Variants in MIDN observed in about 807,000 individuals in gnomAD.
MIDN encodes the protein midnolin.
In MIDN, 26 loss-of-function variants were observed where a neutral mutation model predicts 46.1. The ratio of observed to expected loss-of-function variants is 0.56; its 90% CI spans 0.41 to 0.78. MIDN has a LOEUF of 0.78. Among genes scored for constraint, MIDN ranks in the 30% least tolerant of loss-of-function variants. The pLI is 0.00. For synonymous variants in MIDN, 432 were observed against 343.3 expected, an observed-to-expected ratio of 1.26 and a Z score of -2.86; for missense variants, 850 against 771.8, an observed-to-expected ratio of 1.10 and a Z score of -1.20.
chr19:1,251,502 C>T (rs545731125), intron 2 of MIDN, 60 bp from the exon 3 acceptor site: 3 of 1,522,878 alleles, frequency 2.0e-6, no homozygotes, highest in Admixed American at 3.8e-5. Context: ...CCCGCGGCCT[C>T]TGCTTCCGCG....
In MIDN at chr19:1,250,389, G is replaced by A. The variant is rs777300728; in HGVS notation, c.93G>A (p.Met31Ile). 4.0e-6 allele frequency: 5 copies of A among 1,261,796 alleles called. No individual in the cohort carries two copies. Among genetic ancestry groups the A allele is most frequent in the Non-Finnish European group, 5.1e-6 (5 of 985,074 alleles). The allele number at this position is 1,261,796 out of a possible 1,614,324, so 78.2% of individuals were successfully genotyped here. The change falls in exon 2 of 9, where the codon ATG becomes ATA. Residue 31 changes from methionine to isoleucine, a missense_variant. Transcript: ENST00000682408. ...ELGPAAEAAP[M>I]SLAIHSTTGT... Reference sequence around the variant, plus strand: ...GCCCGGCGGCCGAGGCGGCGCCCATGAGCCTCGCCATCCACAGCACCACGG... The same window carrying A: ...GCCCGGCGGCCGAGGCGGCGCCCATAAGCCTCGCCATCCACAGCACCACGG...
At chr19:1,250,634 G>T in intron 2 of MIDN, 105 bp downstream of exon 2, 4 of 480,232 alleles carry the variant, frequency 8.3e-6, no homozygotes, top group Non-Finnish European at 1.1e-5. Context: ...CAGACAGGGG[G>T]CGGGGGCGCG....
At chr19:1,256,929 T>TG in intron 8 of MIDN, 66 bp from the exon 9 acceptor site, 1 of 1,592,404 alleles carries the variant, frequency 6.3e-7, no homozygotes, top group Non-Finnish European at 8.5e-7. Context: ...TGCTGGGGTC[T>TG]GGGGTGGTCC....
At chr19:1,255,940 C>T (rs1174434862) in intron 8 of MIDN, among the ~76,000 whole-genome samples, 1 of 152,254 alleles carries the variant, frequency 6.6e-6, no homozygotes, top group Non-Finnish European at 1.5e-5. Flanking sequence ...CCACCCGGGG[C>T]ATCATCTCCA....
chr19:1,249,216 G>T (rs978645856), intron 1 of MIDN, among the ~76,000 whole-genome samples: 9 of 147,978 alleles, frequency 6.1e-5, no homozygotes, highest in African/African-American at 2.2e-4. Flanking sequence ...GGCGCGCGGG[G>T]CCCCCGGCGG....
In MIDN at chr19:1,254,946, T is replaced by C. The variant is rs770919020; in HGVS notation, c.870T>C (p.Gly290=). The change falls in exon 7 of 9, where the codon GGT becomes GGC. Residue 290 remains glycine, a synonymous_variant. Transcript: ENST00000682408. ...SPTASSSASP[G]ASTTSTPGAS... ...CGGCCAGCAGCAGTGCCAGTCCTGG[T>C]GCCAGCACCACGTCTACCCCAGGGG... The C allele has an allele frequency of 2.5e-6, 4 of 1,612,204 alleles. No homozygotes were observed. In the South Asian group the frequency reaches 4.4e-5, roughly 18 times the overall value.
In MIDN at chr19:1,251,557, C is replaced by T. The variant is rs1270072471; in HGVS notation, c.234-5C>T. 3 of 1,607,368 alleles carry T rather than the reference C, an allele frequency of 1.9e-6. No homozygotes were observed. The highest frequency in any genetic ancestry group is 2.2e-5 in the East Asian group (1 of 44,786). ...GAGTCTCATGCTCTTCCTTCCTCCC[C>T]CCAGCCGGCTCAGTTCGGGGAAGCT... On this transcript the variant is annotated splice_polypyrimidine_tract_variant and splice_region_variant and intron_variant, in intron 2 of 8. Transcript: ENST00000682408.
At position 1,250,512 on chromosome 19, in the gene MIDN, T is replaced by G. The variant is rs2081112063; in HGVS notation, c.216T>G (p.Ala72=). ...TCAAAGTGCCCAAGGAGCGCCTGGC[T>G]CTTCTCCACAAAGACACGTAGGTAC... ...QRLKVPKERL[A]LLHKDTRLSS... The change falls in exon 2 of 9, where the codon GCT becomes GCG. Residue 72 remains alanine, a synonymous_variant. Transcript: ENST00000682408. 3 of 1,318,740 alleles carry G rather than the reference T, an allele frequency of 2.3e-6. No homozygotes were observed. The highest frequency in any genetic ancestry group is 2.0e-6 in the Non-Finnish European group (2 of 1,009,366). The allele number at this position is 1,318,740 out of a possible 1,614,324, so 81.7% of individuals were successfully genotyped here.
intron 1 of MIDN, among the ~76,000 whole-genome samples, chr19:1,249,688 A>AG (rs375443515): frequency 0.4 from 58,942 of 146,594 alleles, 12,220 homozygotes; most frequent in East Asian, 0.55. Flanking sequence ...GGGCGGGGCG[A>AG]GGGGGCGGGC....
At chr19:1,251,470 C>G in intron 2 of MIDN, 92 bp from the exon 3 acceptor site, 6 of 1,166,070 alleles carry the variant, frequency 5.1e-6, no homozygotes, top group Non-Finnish European at 7.3e-6. Flanking sequence ...ATCCGTCTCT[C>G]CCCACACAAG....
chr19:1,251,254 A>C, intron 2 of MIDN: 1 of 344,724 alleles, frequency 2.9e-6, no homozygotes, highest in Non-Finnish European at 5.3e-6. Context: ...TCGTGGGGGA[A>C]GGTGGCATAG....
In MIDN at chr19:1,251,643, C is replaced by T. The variant is rs374531138; in HGVS notation, c.315C>T (p.Gly105=). ...KLTLVPTVEA[G]LMSQASRPEQ... is the part of the protein sequence containing the mutation. ...CCTTGGTACCCACCGTGGAAGCGGGCCTCATGGTAAATGGCCATGGGGCTG... is the reference window on the plus strand; with the variant it reads ...CCTTGGTACCCACCGTGGAAGCGGGTCTCATGGTAAATGGCCATGGGGCTG... Residue 105 remains glycine (G), a synonymous_variant, in exon 3 of 9, where the codon GGC becomes GGT. Transcript: ENST00000682408. 13 of 1,609,068 alleles carry T rather than the reference C, an allele frequency of 8.1e-6. No homozygotes were observed. The highest frequency in any genetic ancestry group is 5.4e-5 in the African/African-American group (4 of 74,688).
In MIDN at chr19:1,250,441, C is replaced by G; in HGVS notation, c.145C>G (p.Pro49Ala). 1.4e-6 allele frequency: 2 copies of G among 1,386,058 alleles called. No homozygotes were observed. The highest frequency in any genetic ancestry group is 1.9e-6 in the Non-Finnish European group (2 of 1,048,030). The allele number at this position is 1,386,058 out of a possible 1,614,324, so 85.9% of individuals were successfully genotyped here. ...TGTRYDLAVP[P>A]DETVEGLRKR... is the part of the protein sequence containing the mutation. ...CACCCGCTACGACCTGGCCGTGCCGCCCGACGAGACGGTGGAGGGGCTGCG... is the reference window on the plus strand; with the variant it reads ...CACCCGCTACGACCTGGCCGTGCCGGCCGACGAGACGGTGGAGGGGCTGCG... Residue 49 changes from proline (P) to alanine (A), a missense_variant, in exon 2 of 9, where the codon CCC (proline) becomes GCC (alanine). Physicochemically the swap from Pro to Ala is conservative, Grantham distance 27. Coordinates refer to ENST00000682408, the MANE Select transcript of MIDN (RefSeq NM_001388306.1).
In MIDN at chr19:1,256,977, C is replaced by T. The variant is rs1599992351; in HGVS notation, c.1259-18C>T. On this transcript the variant is annotated intron_variant, in intron 8 of 8. Coordinates refer to ENST00000682408, the MANE Select transcript of MIDN (RefSeq NM_001388306.1). Reference sequence around the variant, plus strand: ...AGGTGGAGGCTTTGGGAGTCACAGGCCACTACCTCCTTTGCAGGGGACCGG... The same window carrying T: ...AGGTGGAGGCTTTGGGAGTCACAGGTCACTACCTCCTTTGCAGGGGACCGG... 1.9e-6 allele frequency: 3 copies of T among 1,605,410 alleles called. No homozygotes were observed. The highest frequency in any genetic ancestry group is 1.3e-5 in the African/African-American group (1 of 74,878).
chr19:1,256,232 C>G lies in MIDN; in HGVS notation c.1258+538C>G, dbSNP rs187145116. Among the ~76,000 whole-genome samples the G allele has an allele frequency of 1.0e-3, 152 of 152,322 alleles. No individual in the cohort carries two copies. In the Middle Eastern group the frequency reaches 0.01, roughly 10 times the overall value. On this transcript the variant is annotated intron_variant, in intron 8 of 8. Coordinates refer to ENST00000682408, the MANE Select transcript of MIDN (RefSeq NM_001388306.1). ...GGCGCGGTGGCTCACGCCTGTAATCCCAGCACTTTGGGAGGCCGACGCGGG... is the reference window on the plus strand; with the variant it reads ...GGCGCGGTGGCTCACGCCTGTAATCGCAGCACTTTGGGAGGCCGACGCGGG...
chr19:1,250,374 C>A lies in MIDN; in HGVS notation c.78C>A (p.Ala26=). 1 of 1,169,184 alleles carries A rather than the reference C, an allele frequency of 8.6e-7. No homozygotes were observed. Among genetic ancestry groups the A allele is most frequent in the Non-Finnish European group, 1.1e-6 (1 of 936,310 alleles). 72.4% of individuals were successfully genotyped at this position (1,169,184 alleles called of 1,614,324 possible). The change falls in exon 2 of 9, where the codon GCC becomes GCA. Residue 26 remains alanine (A), a synonymous_variant. Coordinates refer to ENST00000682408, the MANE Select transcript of MIDN (RefSeq NM_001388306.1). ...PGGACELGPA[A]EAAPMSLAIH... ...GCGCCTGCGAGCTGGGCCCGGCGGC[C>A]GAGGCGGCGCCCATGAGCCTCGCCA...
intron 7 of MIDN, 122 bp downstream of exon 7, chr19:1,255,183 C>T: frequency 1.6e-6 from 2 of 1,261,070 alleles, no homozygotes; most frequent in East Asian, 2.5e-5. Flanking sequence ...TCCGTCTGCT[C>T]ACTTCACATG....
chr19:1,254,899 C>A lies in MIDN; in HGVS notation c.826-3C>A, dbSNP rs1463832435. 3 of 1,599,286 alleles carry A rather than the reference C, an allele frequency of 1.9e-6. No individual in the cohort carries two copies. Among genetic ancestry groups the A allele is most frequent in the Non-Finnish European group, 2.6e-6 (3 of 1,172,026 alleles). ...GTGCTCATGTGCCCCTTCCTCCCAT[C>A]AGCAGATGGACTGCTCCCCCACGGC... On this transcript the variant is annotated splice_region_variant and splice_polypyrimidine_tract_variant and intron_variant, in intron 6 of 8. Coordinates refer to ENST00000682408, the MANE Select transcript of MIDN (RefSeq NM_001388306.1).
At chr19:1,250,653 T>G in intron 2 of MIDN, 124 bp downstream of exon 2, 5 of 322,938 alleles carry the variant, frequency 1.5e-5, no homozygotes, top group South Asian at 1.2e-4. Flanking sequence ...CGCCGCGCGC[T>G]CTCGGGCGCC....
Sources: gnomAD v4.1 joint callset for allele counts (sites outside exome capture counted in the v4.1 genomes callset) on GRCh38, gnomAD v4.1.1 for gene constraint, MANE v1.5 for transcripts, NCBI Gene and HGNC (gene_info 2026-07-23, HGNC 2026-07-21) for gene names.